The following TBX18 variants were observed in gnomAD, a reference collection of about 807,000 sequenced individuals.
The protein encoded by TBX18 is T-box transcription factor TBX18.
In TBX18, 21 loss-of-function variants were observed where a neutral mutation model predicts 55.0. That is an observed-to-expected ratio of 0.38 (90% confidence interval 0.27 to 0.55). The LOEUF is 0.55. Among genes scored for constraint, TBX18 ranks in the 20% least tolerant of loss-of-function variants. The pLI, the probability that TBX18 is intolerant of heterozygous loss-of-function variation, is 0.73. For synonymous variants in TBX18, 342 were observed against 326.1 expected (o/e 1.05, Z -0.53); for missense variants, 840 against 799.6 (o/e 1.05, Z -0.61).
rs368925735 is a variant in TBX18 at position 84,760,216 on chromosome 6, T to C, written c.599+39A>G. On this transcript the variant is annotated intron_variant, in intron 3 of 7. Coordinates refer to ENST00000369663, the MANE Select transcript of TBX18 (RefSeq NM_001080508.3). ...CAGGCACTAGCCTGCAAAATCCTAG[T>C]GTTTTTTTTTTTAATTGTTCAGTAT... 1.0e-5 allele frequency: 13 copies of C among 1,260,592 alleles called. No individual in the cohort carries two copies. The African/African-American group carries it at 1.4e-4, about 13-fold the overall frequency. The allele number at this position is 1,260,592 out of a possible 1,614,324, so 78.1% of individuals were successfully genotyped here. A position where few individuals can be genotyped will look rare whatever the true frequency, so the allele number is the denominator to read the frequency against.
rs950569138 is a variant in TBX18 at position 84,762,994 on chromosome 6, C to A, written c.293-246G>T. On this transcript the variant is annotated intron_variant, in intron 1 of 7. Transcript: ENST00000369663. ...CCCCAAGTCCCAAGCCCGGGAGAGGCGCGCGGGCAGCGTCCACCCCACCCG... is the reference window on the plus strand; with the variant it reads ...CCCCAAGTCCCAAGCCCGGGAGAGGAGCGCGGGCAGCGTCCACCCCACCCG... 108 of 555,078 alleles carry A rather than the reference C, an allele frequency of 1.9e-4. 1 individual carries two copies. In the African/African-American group the frequency reaches 2.0e-3, roughly 10 times the overall value. The allele number at this position is 555,078 out of a possible 1,614,324, so 34.4% of individuals were successfully genotyped here.
At chr6:84,763,296 G>C (rs930954054) in intron 1 of TBX18, 2 of 439,898 alleles carry the variant, frequency 4.5e-6, no homozygotes, top group Non-Finnish European at 9.1e-6. Context: ...TTCAGACCCC[G>C]CTTTCGCCAA....
intron 2 of TBX18, among the ~76,000 whole-genome samples, chr6:84,762,204 G>A (rs903036193): frequency 6.6e-5 from 10 of 151,980 alleles, no homozygotes; most frequent in Admixed American, 3.3e-4. Context: ...CTGACAACTA[G>A]AGCCTAAATA....
chr6:84,746,210 C>T (rs1169108480), intron 5 of TBX18, among the ~76,000 whole-genome samples: 2 of 151,810 alleles, frequency 1.3e-5, no homozygotes, highest in Non-Finnish European at 2.9e-5. Flanking sequence ...GCAAAGTGCA[C>T]AGTTAATTTG....
At chr6:84,738,360 G>T in intron 7 of TBX18, 137 bp downstream of exon 7, 3 of 751,640 alleles carry the variant, frequency 4.0e-6, no homozygotes, top group Non-Finnish European at 7.1e-6. Context: ...CCATGCAGAA[G>T]ACAGATGGAA....
Position 84,733,083 on chromosome 6 carries a change from CAT to C in TBX18, c.*3600_*3601del, listed in dbSNP as rs1318826900. 3 of 152,042 alleles carry C rather than the reference CAT, an allele frequency of 2.0e-5. No homozygotes were observed. Among genetic ancestry groups the C allele is most frequent in the Non-Finnish European group, 4.4e-5 (3 of 67,990 alleles). The allele number at this position is 152,042 out of a possible 1,614,324, so 9.4% of individuals were successfully genotyped here. ...AACTAAGTTCTCTAATTCCCGAGGACATGTTATTCTCATCATACCACAGTTCA... is the reference window on the plus strand; with the variant it reads ...AACTAAGTTCTCTAATTCCCGAGGACGTTATTCTCATCATACCACAGTTCA... On this transcript the variant is annotated 3_prime_UTR_variant, in exon 8 of 8. Coordinates refer to ENST00000369663, the MANE Select transcript of TBX18 (RefSeq NM_001080508.3).
At chr6:84,742,086 GT>G (rs1352064690) in intron 6 of TBX18, 4 of 152,092 alleles carry the variant, frequency 2.6e-5, no homozygotes, top group African/African-American at 9.7e-5. Flanking sequence ...AAGGAAAAAA[GT>G]TGAAACTGTA....
Position 84,762,663 on chromosome 6 carries a change from C to G in TBX18, c.378G>C (p.Leu126=), listed in dbSNP as rs899665905. The G allele has an allele frequency of 6.2e-7, 1 of 1,610,066 alleles. No individual in the cohort carries two copies. Among genetic ancestry groups the G allele is most frequent in the Non-Finnish European group, 8.5e-7 (1 of 1,178,544 alleles). Residue 126 remains leucine (L), a synonymous_variant, in exon 2 of 8, where the codon CTG becomes CTC. Transcript: ENST00000369663. ...GSPKGSPARS[L]ARPGTPLPSP... ...AGGGCAGAGGGGTCCCGGGCCGGGC[C>G]AGGGAGCGCGCCGGAGACCCCTTGG...
chr6:84,750,748 A>G (rs926407386), intron 4 of TBX18, among the ~76,000 whole-genome samples: 1 of 151,948 alleles, frequency 6.6e-6, no homozygotes, highest in Non-Finnish European at 1.5e-5. Context: ...AACACAAAAA[A>G]GGGTCTCAGC....
chr6:84,758,294 G>C lies in TBX18; in HGVS notation c.600-1425C>G, dbSNP rs369948857. 1.6e-4 allele frequency among the ~76,000 whole-genome samples: 24 copies of C among 151,746 alleles called. No homozygotes were observed. The South Asian group carries it at 3.3e-3, about 21-fold the overall frequency. On this transcript the variant is annotated intron_variant, in intron 3 of 7. Coordinates refer to ENST00000369663, the MANE Select transcript of TBX18 (RefSeq NM_001080508.3). Reference sequence around the variant, plus strand: ...GTGGTGGGGAGTGCCTGTAATCCCAGCTATTCGGGAGGCTGAGGCAGGAGA... The same window carrying C: ...GTGGTGGGGAGTGCCTGTAATCCCACCTATTCGGGAGGCTGAGGCAGGAGA...
intron 5 of TBX18, among the ~76,000 whole-genome samples, chr6:84,747,284 C>G (rs1447577791): frequency 6.6e-6 from 1 of 152,098 alleles, no homozygotes; most frequent in Non-Finnish European, 1.5e-5. Context: ...CATATTGCCT[C>G]TGATTCAATT....
At chr6:84,758,884 C>T (rs971756799) in intron 3 of TBX18, among the ~76,000 whole-genome samples, 2 of 152,058 alleles carry the variant, frequency 1.3e-5, no homozygotes, top group African/African-American at 4.8e-5. Context: ...CTTTTAAAAC[C>T]TGACATCTTA....
At chr6:84,742,874 C>T (rs1767082711) in intron 6 of TBX18, among the ~76,000 whole-genome samples, 1 of 152,090 alleles carries the variant, frequency 6.6e-6, no homozygotes, top group Non-Finnish European at 1.5e-5. Flanking sequence ...AGGAGTCATC[C>T]CAAAGGTTCT....
intron 3 of TBX18, 70 bp from the exon 4 acceptor site, chr6:84,756,939 CA>C: frequency 7.3e-7 from 1 of 1,373,652 alleles, no homozygotes; most frequent in African/African-American, 1.4e-5. Context: ...TAGAATCAGA[CA>C]AAATGTGTGC....
chr6:84,761,441 T>A (rs1253275182), intron 2 of TBX18, among the ~76,000 whole-genome samples: 1 of 152,208 alleles, frequency 6.6e-6, no homozygotes, highest in South Asian at 2.1e-4. Flanking sequence ...TTTAACTACA[T>A]CCTTTATAAG....
In TBX18 at chr6:84,737,193, T is replaced by C. The variant is rs758057646; in HGVS notation, c.1316A>G (p.Asn439Ser). 3.7e-6 allele frequency: 6 copies of C among 1,613,176 alleles called. 1 individual carries two copies. Among genetic ancestry groups the C allele is most frequent in the South Asian group, 3.3e-5 (3 of 90,920 alleles). The change falls in exon 8 of 8, where the codon AAC (asparagine) becomes AGC (serine). Residue 439 changes from asparagine to serine, a missense_variant. Transcript: ENST00000369663. Reference sequence around the variant, plus strand: ...CTCACCAGCCTGGTTGGTGAGCCTGTTGTAGGTCTCTGCCAAAGATGTGCT... The same window carrying C: ...CTCACCAGCCTGGTTGGTGAGCCTGCTGTAGGTCTCTGCCAAAGATGTGCT... Reference protein sequence around the residue: ...RYSTSLAETYNRLTNQAGETF... With the variant: ...RYSTSLAETYSRLTNQAGETF...
At position 84,737,213 on chromosome 6, in the gene TBX18, T is replaced by C; in HGVS notation, c.1296A>G (p.Thr432=). The change falls in exon 8 of 8, where the codon ACA becomes ACG. Residue 432 remains threonine (T), a synonymous_variant. Transcript: ENST00000369663. ...GCCTGTTGTAGGTCTCTGCCAAAGA[T>C]GTGCTGTATCGGTTGAGGGTGAGGC... ...RSGLTLNRYS[T]SLAETYNRLT... is the part of the protein sequence containing the mutation. 6.2e-7 allele frequency: 1 copy of C among 1,612,012 alleles called. No homozygotes were observed. The highest frequency in any genetic ancestry group is 8.5e-7 in the Non-Finnish European group (1 of 1,178,828).
chr6:84,747,234 T>C (rs1410788846), intron 5 of TBX18, among the ~76,000 whole-genome samples: 1 of 151,844 alleles, frequency 6.6e-6, no homozygotes, highest in African/African-American at 2.4e-5. Flanking sequence ...ATTACATGGA[T>C]ATTTCTTATG....
chr6:84,756,714 A>G lies in TBX18; in HGVS notation c.755T>C (p.Leu252Pro). 2 of 1,614,038 alleles carry G rather than the reference A, an allele frequency of 1.2e-6. No homozygotes were observed. The highest frequency in any genetic ancestry group is 1.7e-6 in the Non-Finnish European group (2 of 1,180,016). ...TCTACTCACATGGCCTTGGTCATCC[A>G]GTTCATTGTTGGTGAGCTTCAGCTT... ...FDKLKLTNNE[L>P]DDQGHIILHS... The change falls in exon 4 of 8, where the codon CTG (leucine) becomes CCG (proline). Residue 252 changes from leucine (L) to proline (P), a missense_variant. Physicochemically the swap from Leu to Pro is moderately conservative, Grantham distance 98. Coordinates refer to ENST00000369663, the MANE Select transcript of TBX18 (RefSeq NM_001080508.3).
Sources: gnomAD v4.1 joint callset for allele counts (sites outside exome capture counted in the v4.1 genomes callset) on GRCh38, gnomAD v4.1.1 for gene constraint, MANE v1.5 for transcripts, NCBI Gene and HGNC (gene_info 2026-07-23, HGNC 2026-07-21) for gene names.